Variants in SHISA9 observed in about 807,000 individuals in gnomAD.
The protein encoded by SHISA9 is protein shisa-9.
In SHISA9, 13 loss-of-function variants were observed where a neutral mutation model predicts 38.0. The ratio of observed to expected loss-of-function variants is 0.34; its 90% CI spans 0.22 to 0.54. The LOEUF (loss-of-function observed/expected upper bound fraction) is 0.54. SHISA9 is among the 20% of genes least tolerant of loss of function. The pLI is 0.91. For synonymous variants in SHISA9, 275 were observed against 242.0 expected, an observed-to-expected ratio of 1.14 and a Z score of -1.27; for missense variants, 538 against 575.8, an observed-to-expected ratio of 0.93 and a Z score of 0.67.
the SHISA9 span, among the ~76,000 whole-genome samples, chr16:13,258,077 C>T: frequency 2.0e-5 from 3 of 152,276 alleles, no homozygotes; most frequent in East Asian, 3.9e-4. Context: ...ATCTGTAAGG[C>T]CGTGTAATTG....
intron 2 of SHISA9, among the ~76,000 whole-genome samples, chr16:12,971,383 G>A (rs1326780212): frequency 1.3e-5 from 2 of 152,216 alleles, no homozygotes; most frequent in Non-Finnish European, 2.9e-5. Flanking sequence ...CAGAGACTGT[G>A]CCCAGCTGGG....
the SHISA9 span, among the ~76,000 whole-genome samples, chr16:13,497,408 G>A: frequency 2.6e-5 from 4 of 151,984 alleles, no homozygotes; most frequent in Non-Finnish European, 5.9e-5. Flanking sequence ...GAGAGGGGCC[G>A]GATGTGGTGG....
intron 2 of SHISA9, among the ~76,000 whole-genome samples, chr16:13,057,892 A>G (rs562818912): frequency 6.6e-6 from 1 of 152,240 alleles, no homozygotes; most frequent in African/African-American, 2.4e-5. Context: ...ATGAATGAGA[A>G]CATCCAGTGT....
chr16:13,153,171 C>A (rs970539624), intron 2 of SHISA9, among the ~76,000 whole-genome samples: 5 of 152,080 alleles, frequency 3.3e-5, no homozygotes, highest in African/African-American at 1.2e-4. Context: ...GGACTTCTGA[C>A]CTCCAGACAT....
At chr16:12,950,800 G>T (rs2071744295) in intron 2 of SHISA9, among the ~76,000 whole-genome samples, 1 of 151,580 alleles carries the variant, frequency 6.6e-6, no homozygotes, top group Admixed American at 6.6e-5. Context: ...AGTAGAGATG[G>T]GGTTTTGCCA....
At chr16:13,330,954 A>G in the SHISA9 span, among the ~76,000 whole-genome samples, 1 of 152,166 alleles carries the variant, frequency 6.6e-6, no homozygotes, top group African/African-American at 2.4e-5. Flanking sequence ...AAAAGTCTTA[A>G]AGAGGTAGCC....
chr16:13,558,863 C>G, the SHISA9 span, among the ~76,000 whole-genome samples: 95 of 152,326 alleles, frequency 6.2e-4, no homozygotes, highest in African/African-American at 2.2e-3. Flanking sequence ...ATGTTTTCAT[C>G]ACCTGATTAA....
chr16:13,168,205 T>C (rs1010232173), intron 2 of SHISA9, among the ~76,000 whole-genome samples: 10 of 152,210 alleles, frequency 6.6e-5, no homozygotes, highest in African/African-American at 2.4e-5. Context: ...TCAGGGTTGA[T>C]TACCCATCTG....
chr16:12,954,025 G>T (rs2071795817), intron 2 of SHISA9, among the ~76,000 whole-genome samples: 1 of 152,126 alleles, frequency 6.6e-6, no homozygotes, highest in Non-Finnish European at 1.5e-5. Context: ...AATTTGAGAT[G>T]AGATTTGGGT....
rs776994673 is a variant in SHISA9 at position 13,104,571 on chromosome 16, C to T, written c.692-98823C>T. Among the ~76,000 whole-genome samples, 42 of 152,216 alleles carry T rather than the reference C, an allele frequency of 2.8e-4. No individual in the cohort carries two copies. In the Middle Eastern group the frequency reaches 0.01, roughly 37 times the overall value. ...CTACAACATGGGTGATCCTCAATAA[C>T]AGTATGCTAAATGAAAGAAGCCAGA... On this transcript the variant is annotated intron_variant, in intron 2 of 4. Coordinates refer to ENST00000558583, the MANE Select transcript of SHISA9 (RefSeq NM_001145204.3).
the SHISA9 span, among the ~76,000 whole-genome samples, chr16:13,547,990 A>G: frequency 5.9e-5 from 9 of 152,206 alleles, no homozygotes; most frequent in African/African-American, 1.9e-4. Flanking sequence ...AATATGCAAA[A>G]TAGCATGATA....
the SHISA9 span, among the ~76,000 whole-genome samples, chr16:13,267,579 T>C: frequency 1.3e-5 from 2 of 152,190 alleles, no homozygotes; most frequent in Non-Finnish European, 2.9e-5. Flanking sequence ...GTGTTCTGTA[T>C]TAAAAACTCT....
intron 2 of SHISA9, among the ~76,000 whole-genome samples, chr16:13,183,953 G>A (rs377674389): frequency 4.2e-4 from 64 of 152,134 alleles, no homozygotes; most frequent in East Asian, 2.3e-3. Flanking sequence ...TGGGAGGGGC[G>A]GACAGAAACT....
the SHISA9 span, among the ~76,000 whole-genome samples, chr16:13,250,174 T>C: frequency 6.6e-6 from 1 of 152,300 alleles, no homozygotes; most frequent in African/African-American, 2.4e-5. Flanking sequence ...CTTCTGCAAA[T>C]TGCAAAGCAC....
the SHISA9 span, among the ~76,000 whole-genome samples, chr16:13,479,739 C>T: frequency 5.9e-5 from 9 of 152,168 alleles, no homozygotes; most frequent in South Asian, 2.1e-4. Context: ...CCAGAAATGA[C>T]GTCATGCATC....
the SHISA9 span, among the ~76,000 whole-genome samples, chr16:13,433,801 C>G: frequency 1.3e-5 from 2 of 152,158 alleles, no homozygotes; most frequent in African/African-American, 2.4e-5. Flanking sequence ...TACCTTGTAT[C>G]CCCAGGATAG....
At chr16:13,248,890 A>G in the SHISA9 span, among the ~76,000 whole-genome samples, 1 of 152,206 alleles carries the variant, frequency 6.6e-6, no homozygotes. Flanking sequence ...AACGCCACAG[A>G]GAGGGTAGAC....
chr16:12,968,757 G>A (rs1273435395), intron 2 of SHISA9, among the ~76,000 whole-genome samples: 1 of 152,160 alleles, frequency 6.6e-6, no homozygotes, highest in Non-Finnish European at 1.5e-5. Flanking sequence ...AGGCTTGTGA[G>A]TGATGTGGGG....
chr16:12,952,253 G>T lies in SHISA9; in HGVS notation c.691+35438G>T, dbSNP rs374787488. Reference sequence around the variant, plus strand: ...ATCAAAATGATTCTTGGTCTCCAGAGAACTTTCTGTGACCTGTTTAGGCTG... The same window carrying T: ...ATCAAAATGATTCTTGGTCTCCAGATAACTTTCTGTGACCTGTTTAGGCTG... On this transcript the variant is annotated intron_variant, in intron 2 of 4. Transcript: ENST00000558583. Among the ~76,000 whole-genome samples the T allele has an allele frequency of 5.9e-5, 9 of 152,326 alleles. No homozygotes were observed. In the East Asian group the frequency reaches 9.7e-4, roughly 16 times the overall value.
Sources: gnomAD v4.1 joint callset for allele counts (sites outside exome capture counted in the v4.1 genomes callset) on GRCh38, gnomAD v4.1.1 for gene constraint, MANE v1.5 for transcripts, NCBI Gene and HGNC (gene_info 2026-07-23, HGNC 2026-07-21) for gene names.